Variants in GLT8D2 observed in about 807,000 individuals in gnomAD.
GLT8D2 encodes glycosyltransferase 8 domain-containing protein 2.
A neutral mutation model predicts 44.5 loss-of-function variants in GLT8D2; 45 were observed. The ratio of observed to expected loss-of-function variants is 1.01; its 90% CI spans 0.80 to 1.30. GLT8D2 has a LOEUF of 1.30. GLT8D2 is among the 50% of genes most tolerant of loss of function. The probability of loss-of-function intolerance (pLI) is 0.00; values close to 1 mark genes in which losing one functional copy is unlikely to be tolerated. For synonymous variants in GLT8D2, 156 were observed against 157.2 expected (o/e 0.99, Z 0.06); for missense variants, 400 against 430.4 (o/e 0.93, Z 0.62).
At chr12:104,012,185 A>ATATATAT (rs1457476166) in intron 4 of GLT8D2, among the ~76,000 whole-genome samples, 99 of 85,976 alleles carry the variant, frequency 1.2e-3, no homozygotes, top group Admixed American at 2.3e-3. Flanking sequence ...AAAAAAAAAA[A>ATATATAT]AAAAATATAT....
upstream of GLT8D2, among the ~76,000 whole-genome samples, chr12:104,052,780 A>ATTG (rs56118108): frequency 0.54 from 81,044 of 151,358 alleles, 23,608 homozygotes; most frequent in Non-Finnish European, 0.65. Context: ...TATTATTATT[A>ATTG]TTATGTAGAG....
chr12:104,024,206 A>T (rs533311502), intron 1 of GLT8D2, among the ~76,000 whole-genome samples: 1 of 152,234 alleles, frequency 6.6e-6, no homozygotes, highest in East Asian at 1.9e-4. Context: ...ACATAGTGAG[A>T]CCCCTGTCTG....
At chr12:104,022,250 T>A (rs1212140156) in intron 1 of GLT8D2, among the ~76,000 whole-genome samples, 1 of 152,062 alleles carries the variant, frequency 6.6e-6, no homozygotes, top group African/African-American at 2.4e-5. Context: ...GTAGGATGTT[T>A]ATCTGGTCCC....
At chr12:104,034,874 GA>G (rs1879751328) in intron 1 of GLT8D2, among the ~76,000 whole-genome samples, 1 of 152,228 alleles carries the variant, frequency 6.6e-6, no homozygotes, top group East Asian at 1.9e-4. Flanking sequence ...GCCTAACTGG[GA>G]GACACCTCCC....
At position 104,003,201 on chromosome 12, in the gene GLT8D2, T is replaced by A. The variant is rs1425825785; in HGVS notation, c.218A>T (p.Tyr73Phe). The change falls in exon 5 of 11, where the codon TAC becomes TTC. Residue 73 changes from tyrosine (Y) to phenylalanine (F), a missense_variant. Tyr to Phe is a conservative substitution (Grantham distance 22, BLOSUM62 3). Coordinates refer to ENST00000360814, the MANE Select transcript of GLT8D2 (RefSeq NM_001384711.1). ...GATMAAINSI[Y>F]SNTDANILFY... ...CAAGATGTTGGCGTCAGTGTTGCTG[T>A]AGATGCTATTGATGGCAGCCATAGT... 6.2e-7 allele frequency: 1 copy of A among 1,614,116 alleles called. No homozygotes were observed. Among genetic ancestry groups the A allele is most frequent in the Non-Finnish European group, 8.5e-7 (1 of 1,179,966 alleles).
rs57109528 is a variant in GLT8D2, at chr12:104,007,233, G to GCTCTCTCTCTCTCTCTCT, written c.113-3945_113-3928dup. Among the ~76,000 whole-genome samples, 256 of 66,344 alleles carry GCTCTCTCTCTCTCTCTCT rather than the reference G, an allele frequency of 3.9e-3. 25 individuals carry two copies. Among genetic ancestry groups the GCTCTCTCTCTCTCTCTCT allele is most frequent in the East Asian group, 7.7e-3 (12 of 1,560 alleles). The allele number at this position is 66,344 out of a possible 152,430, so 43.5% of individuals were successfully genotyped here. On this transcript the variant is annotated intron_variant, in intron 4 of 10. Transcript: ENST00000360814. ...AGTACTCATCTGATTTATACTTAAA[G>GCTCTCTCTCTCTCTCTCT]CTCTCTCTCTCTCTCTCTCTCTCTC...
intron 10 of GLT8D2, among the ~76,000 whole-genome samples, chr12:103,992,913 A>G (rs1305055038): frequency 2.6e-5 from 4 of 152,198 alleles, no homozygotes; most frequent in Non-Finnish European, 5.9e-5. Context: ...TATCAGCTGC[A>G]CTTGCTGAAT....
intron 1 of GLT8D2, among the ~76,000 whole-genome samples, chr12:104,045,937 A>AAGAAAGAAAGAAGG (rs68019401): frequency 2.6e-5 from 3 of 113,566 alleles, no homozygotes; most frequent in African/African-American, 1.1e-4. Context: ...GAAAGAAAGA[A>AAGAAAGAAAGAAGG]AAAGAAAGAA....
chr12:104,029,499 T>G (rs966870657), intron 1 of GLT8D2, among the ~76,000 whole-genome samples: 15 of 152,114 alleles, frequency 9.9e-5, no homozygotes, highest in Admixed American at 6.6e-4. Context: ...TTCAGGGTTG[T>G]TTGTGTGTAG....
At chr12:104,051,431 A>C (rs1881717362), upstream of GLT8D2, among the ~76,000 whole-genome samples, 1 of 152,208 alleles carries the variant, frequency 6.6e-6, no homozygotes, top group African/African-American at 2.4e-5. Flanking sequence ...AAGATGTTTT[A>C]TGTTCTTTGT....
chr12:104,064,268 C>T (rs1305494142), upstream of GLT8D2: 3 of 344,700 alleles, frequency 8.7e-6, no homozygotes, highest in Non-Finnish European at 1.0e-5. The surrounding 1 kb of genome is among the most constrained non-coding windows in gnomAD (Gnocchi z 7.3). Context: ...AAATACCGAA[C>T]GGGAGGCTCT....
chr12:104,002,292 AT>A (rs977357147), intron 5 of GLT8D2, among the ~76,000 whole-genome samples: 1 of 151,864 alleles, frequency 6.6e-6, no homozygotes, highest in Non-Finnish European at 1.5e-5. Context: ...GGCCATTTGT[AT>A]TTTTTTCCTC....
At chr12:104,016,786 G>A (rs200955927) in intron 3 of GLT8D2, among the ~76,000 whole-genome samples, 26 of 109,552 alleles carry the variant, frequency 2.4e-4, no homozygotes, top group East Asian at 1.1e-3. Context: ...AAGGAAGGAA[G>A]GAAGGAAGGA....
At chr12:104,036,789 G>A (rs1879972641) in intron 1 of GLT8D2, among the ~76,000 whole-genome samples, 1 of 152,106 alleles carries the variant, frequency 6.6e-6, no homozygotes, top group African/African-American at 2.4e-5. Context: ...CAAGACTTGA[G>A]CTCAGCTCTG....
intron 1 of GLT8D2, among the ~76,000 whole-genome samples, chr12:104,023,696 C>A (rs1878202066): frequency 1.3e-5 from 2 of 152,188 alleles, no homozygotes; most frequent in African/African-American, 4.8e-5. Context: ...TCAGGCCCTG[C>A]CCAACACCCA....
At chr12:104,016,825 GAAA>G (rs756311442) in intron 3 of GLT8D2, among the ~76,000 whole-genome samples, 35 of 50,364 alleles carry the variant, frequency 6.9e-4, no homozygotes, top group African/African-American at 2.1e-3. Flanking sequence ...GAAAGAGAAA[GAAA>G]AGAAAGAAAG....
chr12:104,016,754 AGAAAGAAAGAAAGAAAGAAAGAAG>A (rs1314600218), intron 3 of GLT8D2, among the ~76,000 whole-genome samples: 1,404 of 108,636 alleles, frequency 0.013, 17 homozygotes, highest in Non-Finnish European at 0.015. Flanking sequence ...AAAGAAAGAA[AGAAAGAAAGAAAGAAAGAAAGAAG>A]GAAGGAAGGA....
Position 103,997,914 on chromosome 12 carries a change from TACACACACACACACACAC to T in GLT8D2, c.403-397_403-380del, listed in dbSNP as rs59719067. ...AATTGTCAATTAAATCAGCCTTAAA[TACACACACACACACACAC>T]ACACACACACACACACACACACACG... On this transcript the variant is annotated intron_variant, in intron 6 of 10. Transcript: ENST00000360814. Among the ~76,000 whole-genome samples the T allele has an allele frequency of 4.4e-3, 644 of 146,162 alleles. 6 individuals carry two copies. The highest frequency in any genetic ancestry group is 7.4e-3 in the Non-Finnish European group (495 of 66,974).
At position 104,056,767 on chromosome 12, in the gene GLT8D2, T is replaced by C. The variant is rs372053961; in HGVS notation, c.-422-6479A>G. ...AGGTTTTCAGTCCACAAAATTACTA[T>C]GTAAATAACAGATGCACGCCATGGT... On this transcript the variant is annotated intron_variant, in intron 1 of 10. Coordinates refer to the GLT8D2 transcript ENST00000548660. Among the ~76,000 whole-genome samples the C allele has an allele frequency of 5.8e-4, 88 of 152,374 alleles. No homozygotes were observed. In the South Asian group the frequency reaches 0.013, roughly 23 times the overall value.
Sources: allele counts gnomAD v4.1 joint callset (sites outside exome capture counted in the v4.1 genomes callset), GRCh38; gene constraint gnomAD v4.1.1; non-coding constraint Gnocchi (gnomAD v3.1); transcripts MANE v1.5; gene names NCBI Gene and HGNC (gene_info 2026-07-23, HGNC 2026-07-21).